Variants in SORCS3 observed in about 807,000 individuals in gnomAD.
SORCS3 encodes the protein VPS10 domain-containing receptor SorCS3.
SORCS3 carries 57 observed loss-of-function variants against 146.3 expected under a neutral mutation model. The ratio of observed to expected loss-of-function variants is 0.39; its 90% CI spans 0.31 to 0.49. The LOEUF (loss-of-function observed/expected upper bound fraction) is 0.49. Ranked by LOEUF, SORCS3 falls within the 20% of genes least tolerant of loss-of-function variation. SORCS3 has a pLI of 0.92. For synonymous variants in SORCS3, 653 were observed against 618.5 expected (o/e 1.06, Z -0.83); for missense variants, 1,341 against 1,575.5 (o/e 0.85, Z 2.52).
chr10:104,744,240 A>G (rs1055702929), intron 1 of SORCS3, among the ~76,000 whole-genome samples: 5 of 152,196 alleles, frequency 3.3e-5, no homozygotes, highest in African/African-American at 4.8e-5. Context: ...AATGAAGAAC[A>G]AAGAACTGAC....
chr10:104,727,566 A>ATATAT (rs2016652527), intron 1 of SORCS3, among the ~76,000 whole-genome samples: 2 of 146,310 alleles, frequency 1.4e-5, no homozygotes, highest in Admixed American at 6.9e-5. Context: ...TATATATATA[A>ATATAT]GATGCATACA....
chr10:104,946,768 C>A (rs993355742), intron 3 of SORCS3, among the ~76,000 whole-genome samples: 1 of 152,168 alleles, frequency 6.6e-6, no homozygotes, highest in African/African-American at 2.4e-5. Context: ...GCCTAAGAAC[C>A]CATCACATGT....
chr10:104,668,850 G>A lies in SORCS3; in HGVS notation c.627+26896G>A, dbSNP rs575530053. ...TAACTCTTAGTTGGAACTAATTCCCGAGAGCCTTATCAGATATTAGAGATA... is the reference window on the plus strand; with the variant it reads ...TAACTCTTAGTTGGAACTAATTCCCAAGAGCCTTATCAGATATTAGAGATA... On this transcript the variant is annotated intron_variant, in intron 1 of 26. Transcript: ENST00000369701. Among the ~76,000 whole-genome samples the A allele has an allele frequency of 9.2e-5, 14 of 152,324 alleles. No homozygotes were observed. In the East Asian group the frequency reaches 1.3e-3, roughly 15 times the overall value.
intron 3 of SORCS3, among the ~76,000 whole-genome samples, chr10:104,927,705 C>A (rs2019162570): frequency 7.0e-6 from 1 of 143,578 alleles, no homozygotes; most frequent in Non-Finnish European, 1.5e-5. Context: ...ATGGTGAAAC[C>A]AAGTCTCTAC....
intron 3 of SORCS3, among the ~76,000 whole-genome samples, chr10:104,972,504 A>C (rs2054866517): frequency 6.6e-6 from 1 of 152,204 alleles, no homozygotes; most frequent in Admixed American, 6.5e-5. Flanking sequence ...ACAATTCAGA[A>C]AGAACAAAAC....
At chr10:105,029,202 T>G (rs574785386) in intron 4 of SORCS3, among the ~76,000 whole-genome samples, 6 of 152,222 alleles carry the variant, frequency 3.9e-5, no homozygotes, top group Non-Finnish European at 8.8e-5. Context: ...GGTATCAATA[T>G]GATTTACAAG....
intron 4 of SORCS3, among the ~76,000 whole-genome samples, chr10:105,008,169 C>T (rs893489781): frequency 6.6e-6 from 1 of 152,160 alleles, no homozygotes; most frequent in Non-Finnish European, 1.5e-5. Flanking sequence ...GCAGACATAT[C>T]TCCATCTTAG....
chr10:104,770,955 A>AT (rs1170988270), intron 1 of SORCS3, among the ~76,000 whole-genome samples: 1 of 152,112 alleles, frequency 6.6e-6, no homozygotes, highest in East Asian at 1.9e-4. Context: ...CATCTTTAAC[A>AT]TTTTTTTCCC....
At chr10:104,902,024 G>T (rs2018855861) in intron 2 of SORCS3, among the ~76,000 whole-genome samples, 1 of 152,180 alleles carries the variant, frequency 6.6e-6, no homozygotes, top group South Asian at 2.1e-4. Context: ...GTTGGGGATG[G>T]CAGGGACTTT....
At chr10:105,142,932 G>T (rs775539456) in intron 8 of SORCS3, among the ~76,000 whole-genome samples, 10 of 152,124 alleles carry the variant, frequency 6.6e-5, no homozygotes, top group South Asian at 2.1e-4. Context: ...TTAACCTTTT[G>T]TTTCCTTAGT....
intron 1 of SORCS3, among the ~76,000 whole-genome samples, chr10:104,749,237 G>T (rs1316325531): frequency 6.8e-6 from 1 of 147,894 alleles, no homozygotes. Flanking sequence ...GTGTGTGTGT[G>T]TGTGTGTGTG....
chr10:104,881,574 G>C (rs897031308), intron 2 of SORCS3, among the ~76,000 whole-genome samples: 1 of 152,078 alleles, frequency 6.6e-6, no homozygotes, highest in African/African-American at 2.4e-5. Flanking sequence ...TTTTAATAGA[G>C]AAAAAAGTAA....
Position 104,834,180 on chromosome 10 carries a change from C to T in SORCS3, c.628-8612C>T, listed in dbSNP as rs1423335936. On this transcript the variant is annotated intron_variant, in intron 1 of 26. Coordinates refer to ENST00000369701, the MANE Select transcript of SORCS3 (RefSeq NM_014978.3). ...TTACAGTAGGCTCCTCATCCACTCTCGTCCCCTCACTGCCTTTCTAAACAC... is the reference window on the plus strand; with the variant it reads ...TTACAGTAGGCTCCTCATCCACTCTTGTCCCCTCACTGCCTTTCTAAACAC... 3.3e-5 allele frequency among the ~76,000 whole-genome samples: 5 copies of T among 152,198 alleles called. 1 individual carries two copies. The highest frequency in any genetic ancestry group is 4.1e-4 in the South Asian group (2 of 4,820).
intron 2 of SORCS3, among the ~76,000 whole-genome samples, chr10:104,864,459 C>G (rs1486467567): frequency 6.6e-6 from 1 of 152,126 alleles, no homozygotes; most frequent in Non-Finnish European, 1.5e-5. Flanking sequence ...CATTCAGTCC[C>G]TTCAGGGTTC....
chr10:104,801,544 C>G (rs904105985), intron 1 of SORCS3, among the ~76,000 whole-genome samples: 1 of 152,172 alleles, frequency 6.6e-6, no homozygotes, highest in Non-Finnish European at 1.5e-5. Flanking sequence ...CCTTTTGAGC[C>G]TGTCACTCAT....
At chr10:104,998,864 C>T (rs1003657503) in intron 4 of SORCS3, among the ~76,000 whole-genome samples, 9 of 152,074 alleles carry the variant, frequency 5.9e-5, no homozygotes, top group African/African-American at 1.4e-4. Context: ...AGCTGGGGTT[C>T]GGACTCCATT....
At chr10:104,774,426 C>T (rs936350978) in intron 1 of SORCS3, among the ~76,000 whole-genome samples, 9 of 152,128 alleles carry the variant, frequency 5.9e-5, no homozygotes, top group Admixed American at 2.0e-4. Context: ...GCCATTTCCC[C>T]GGGGGAAAGG....
chr10:105,089,936 G>T, intron 6 of SORCS3, 97 bp downstream of exon 6: 1 of 936,590 alleles, frequency 1.1e-6, no homozygotes, highest in Non-Finnish European at 1.7e-6. Flanking sequence ...AAGATGAAAA[G>T]CTCTGAGCTC....
At chr10:104,683,258 G>A (rs1443268733) in intron 1 of SORCS3, among the ~76,000 whole-genome samples, 2 of 152,230 alleles carry the variant, frequency 1.3e-5, no homozygotes, top group Non-Finnish European at 2.9e-5. Context: ...TACTCAAATA[G>A]GAAGTTTGAG....
Sources: gnomAD v4.1 joint callset for allele counts (sites outside exome capture counted in the v4.1 genomes callset) on GRCh38, gnomAD v4.1.1 for gene constraint, MANE v1.5 for transcripts, NCBI Gene and HGNC (gene_info 2026-07-23, HGNC 2026-07-21) for gene names.